The following MOK variants were observed in gnomAD, a reference collection of about 807,000 sequenced individuals.
MOK encodes MAPK/MAK/MRK overlapping kinase.
In MOK, 59 loss-of-function variants were observed where a neutral mutation model predicts 54.2. That is an observed-to-expected ratio of 1.09 (90% CI 0.88 to 1.35). The LOEUF (loss-of-function observed/expected upper bound fraction) is 1.35, where lower values mean the gene tolerates loss of function less well. Among genes scored for constraint, MOK ranks in the 40% most tolerant of loss-of-function variants. The pLI, the probability that MOK is intolerant of heterozygous loss-of-function variation, is 0.00. For missense variants in MOK, 517 were observed against 526.2 expected, an observed-to-expected ratio of 0.98 and a Z score of 0.17; for synonymous variants, 210 against 202.7, an observed-to-expected ratio of 1.04 and a Z score of -0.31.
intron 3 of MOK, among the ~76,000 whole-genome samples, chr14:102,264,906 C>T (rs1281878887): frequency 6.6e-6 from 1 of 152,172 alleles, no homozygotes; most frequent in African/African-American, 2.4e-5. Flanking sequence ...TAGCCCACAG[C>T]AAAGAAGGTC....
intron 2 of MOK, chr14:102,278,539 C>T (rs545529643): frequency 1.4e-4 from 56 of 402,340 alleles, no homozygotes; most frequent in South Asian, 4.4e-4. Flanking sequence ...GTAGACCTGA[C>T]GTTGGCATCA....
chr14:102,222,835 A>G (rs1339297382), downstream of MOK: 2 of 1,614,188 alleles, frequency 1.2e-6, no homozygotes, highest in Non-Finnish European at 1.7e-6. This position sits in a 1 kb window ranked among gnomAD's most constrained non-coding sequence, Gnocchi z 4.4. Context: ...TGCAGGGCTC[A>G]TTGTCATCCC....
intron 2 of MOK, among the ~76,000 whole-genome samples, chr14:102,269,970 T>C (rs2068223322): frequency 6.6e-6 from 1 of 152,210 alleles, no homozygotes; most frequent in Non-Finnish European, 1.5e-5. Flanking sequence ...CAACTGTATA[T>C]AAAATATTCT....
intron 1 of MOK, among the ~76,000 whole-genome samples, chr14:102,287,807 C>T (rs1308257720): frequency 1.3e-5 from 2 of 150,980 alleles, no homozygotes; most frequent in African/African-American, 2.4e-5. Context: ...AACAGTTTAG[C>T]CAGTTCTTTG....
At chr14:102,267,922 C>T (rs1452323149) in intron 2 of MOK, among the ~76,000 whole-genome samples, 2 of 148,320 alleles carry the variant, frequency 1.3e-5, no homozygotes, top group Non-Finnish European at 3.0e-5. Flanking sequence ...CCAATGAATA[C>T]AAATCATTCA....
downstream of MOK, among the ~76,000 whole-genome samples, chr14:102,227,779 C>T (rs6575902): frequency 0.06 from 9,103 of 152,266 alleles, 318 homozygotes; most frequent in South Asian, 0.12. Context: ...GCCCTCCCTC[C>T]GCGTGGCCCG....
chr14:102,266,004 C>T, intron 2 of MOK, 92 bp from the exon 3 acceptor site: 1 of 931,436 alleles, frequency 1.1e-6, no homozygotes, highest in Non-Finnish European at 1.7e-6. Context: ...AATTTTAAAA[C>T]TCACAAATAT....
intron 1 of MOK, among the ~76,000 whole-genome samples, chr14:102,300,922 C>A (rs2072118694): frequency 6.6e-6 from 1 of 152,202 alleles, no homozygotes; most frequent in East Asian, 1.9e-4. Flanking sequence ...CATGGTGAAA[C>A]CCCGTCTCTA....
chr14:102,302,339 C>G (rs543340449), intron 1 of MOK, among the ~76,000 whole-genome samples: 2 of 152,116 alleles, frequency 1.3e-5, no homozygotes, highest in South Asian at 4.2e-4. Context: ...TCTCAAAGTG[C>G]TGGGATTACA....
Position 102,268,162 on chromosome 14 carries a change from C to G in MOK, c.123-2250G>C, listed in dbSNP as rs989997173. 2.6e-5 allele frequency among the ~76,000 whole-genome samples: 4 copies of G among 152,062 alleles called. No individual in the cohort carries two copies. The East Asian group carries it at 7.7e-4, about 29-fold the overall frequency. ...ATTCTTCTCCTCTGTAATAGGAAAA[C>G]CAGTTATCACACCCCAAAACATATT... On this transcript the variant is annotated intron_variant, in intron 2 of 11. Transcript: ENST00000361847.
intron 6 of MOK, 113 bp from the exon 7 acceptor site, chr14:102,251,103 C>T: frequency 1.8e-6 from 2 of 1,136,510 alleles, no homozygotes; most frequent in Non-Finnish European, 2.5e-6. Context: ...CTAAAGTAGT[C>T]TGTAAAATAC....
intron 1 of MOK, among the ~76,000 whole-genome samples, chr14:102,303,871 T>G (rs957134385): frequency 6.6e-6 from 1 of 152,244 alleles, no homozygotes; most frequent in East Asian, 1.9e-4. Flanking sequence ...TTCAATGTAC[T>G]GCTCTTGCAA....
At chr14:102,261,438 T>A (rs1395992482) in intron 4 of MOK, among the ~76,000 whole-genome samples, 8 of 95,602 alleles carry the variant, frequency 8.4e-5, no homozygotes, top group East Asian at 5.9e-4. Context: ...TATATATATA[T>A]ATATATATAT....
At chr14:102,284,249 A>C (rs1379694042) in intron 1 of MOK, among the ~76,000 whole-genome samples, 2 of 151,972 alleles carry the variant, frequency 1.3e-5, no homozygotes, top group Non-Finnish European at 2.9e-5. Flanking sequence ...TGCTGTGAAC[A>C]AAAGTCTAAA....
chr14:102,272,787 C>T (rs146968718), intron 2 of MOK, among the ~76,000 whole-genome samples: 36 of 152,266 alleles, frequency 2.4e-4, no homozygotes, highest in African/African-American at 7.9e-4. Context: ...ATACAGCAAA[C>T]ATCATGCTTC....
chr14:102,223,938 C>G (rs768386758), downstream of MOK, among the ~76,000 whole-genome samples: 3 of 152,138 alleles, frequency 2.0e-5, no homozygotes, highest in Non-Finnish European at 4.4e-5. Context: ...ACTCCGAGTC[C>G]TCCTTTCGTC....
At chr14:102,218,939 C>T in the MOK span, among the ~76,000 whole-genome samples, 69 of 152,210 alleles carry the variant, frequency 4.5e-4, no homozygotes, top group Admixed American at 2.6e-4. Flanking sequence ...CTCCGTCGGC[C>T]GGGCCGGGCC....
intron 1 of MOK, among the ~76,000 whole-genome samples, chr14:102,292,797 A>G (rs1455440409): frequency 6.6e-6 from 1 of 152,174 alleles, no homozygotes; most frequent in African/African-American, 2.4e-5. Context: ...TTATTTTAGT[A>G]TTAAAACCAT....
intron 1 of MOK, 27 bp downstream of exon 1, chr14:102,304,935 C>T (rs936875844): frequency 5.6e-6 from 9 of 1,603,082 alleles, no homozygotes; most frequent in Non-Finnish European, 6.0e-6. Context: ...CTCTCCAGTC[C>T]CTGCCCCTTT....
Sources: allele counts gnomAD v4.1 joint callset (sites outside exome capture counted in the v4.1 genomes callset), GRCh38; gene constraint gnomAD v4.1.1; non-coding constraint Gnocchi (gnomAD v3.1); transcripts MANE v1.5; gene names NCBI Gene and HGNC (gene_info 2026-07-23, HGNC 2026-07-21).